Variants in RTTN observed in about 807,000 individuals in gnomAD.
RTTN encodes the protein rotatin.
In RTTN, 182 loss-of-function variants were observed where a neutral mutation model predicts 269.2. The ratio of observed to expected loss-of-function variants is 0.68; its 90% confidence interval spans 0.60 to 0.76. RTTN has a LOEUF of 0.76. RTTN is among the 30% of genes least tolerant of loss of function. The pLI is 0.00. For missense variants in RTTN, 2,545 were observed against 2,608.6 expected (o/e 0.98, Z 0.53); for synonymous variants, 1,006 against 963.5 (o/e 1.04, Z -0.82).
Position 70,092,705 on chromosome 18 carries a change from G to A in RTTN, c.4003C>T (p.His1335Tyr). ...STILCLLHLS[H>Y]EMMAQAGSLE... is the part of the protein sequence containing the mutation. ...CTCCCAGCCTGGGCCATCATCTCAT[G>A]GGATAAGTGAAGCAAGCAAAGAATT... Residue 1335 changes from histidine (H) to tyrosine (Y), a missense_variant, in exon 29 of 49, where the codon CAT (histidine) becomes TAT (tyrosine). By Grantham distance (83) the His-to-Tyr change is moderately conservative. Transcript: ENST00000640769. The A allele has an allele frequency of 3.1e-6, 5 of 1,613,244 alleles. No homozygotes were observed. Among genetic ancestry groups the A allele is most frequent in the Non-Finnish European group, 1.7e-6 (2 of 1,179,400 alleles).
At chr18:70,057,717 C>G (rs745525761) in intron 37 of RTTN, 25 bp downstream of exon 37, 1 of 1,594,836 alleles carries the variant, frequency 6.3e-7, no homozygotes, top group Non-Finnish European at 8.6e-7. Context: ...GTAAACAAAC[C>G]CACAAACAGA....
At chr18:70,132,302 T>C (rs2060018148) in intron 23 of RTTN, among the ~76,000 whole-genome samples, 1 of 152,050 alleles carries the variant, frequency 6.6e-6, no homozygotes, top group Non-Finnish European at 1.5e-5. Flanking sequence ...CTGATATATT[T>C]TGAGACTTAT....
chr18:70,036,962 A>C (rs2057192797), intron 40 of RTTN, among the ~76,000 whole-genome samples: 1 of 152,200 alleles, frequency 6.6e-6, no homozygotes, highest in Non-Finnish European at 1.5e-5. Flanking sequence ...TGGCGAGCTA[A>C]CTTGCACACT....
chr18:70,050,733 T>C (rs1427952228), intron 39 of RTTN, among the ~76,000 whole-genome samples: 1 of 152,172 alleles, frequency 6.6e-6, no homozygotes, highest in Non-Finnish European at 1.5e-5. Flanking sequence ...CATGGAACAT[T>C]ATGCAGCCAT....
chr18:70,150,519 C>T, intron 15 of RTTN, 89 bp downstream of exon 15: 2 of 1,210,860 alleles, frequency 1.7e-6, no homozygotes, highest in South Asian at 1.4e-5. Flanking sequence ...AGTTTCTCAC[C>T]ATGCTATCTA....
chr18:70,070,689 C>T (rs377269440), intron 34 of RTTN, among the ~76,000 whole-genome samples: 2 of 152,280 alleles, frequency 1.3e-5, no homozygotes, highest in East Asian at 3.9e-4. Context: ...TAACTAACTC[C>T]TATCTGATTA....
intron 9 of RTTN, among the ~76,000 whole-genome samples, chr18:70,189,606 G>T (rs1050689739): frequency 6.6e-6 from 1 of 152,162 alleles, no homozygotes; most frequent in Non-Finnish European, 1.5e-5. Flanking sequence ...AGATTCAAAA[G>T]AATCGTGGTT....
At chr18:70,199,977 T>C (rs928527713) in intron 4 of RTTN, among the ~76,000 whole-genome samples, 2 of 152,236 alleles carry the variant, frequency 1.3e-5, no homozygotes, top group African/African-American at 4.8e-5. Context: ...CGAAGATGAC[T>C]TGAAGACCGT....
intron 35 of RTTN, among the ~76,000 whole-genome samples, chr18:70,060,299 G>A (rs906105854): frequency 3.5e-4 from 53 of 152,198 alleles, no homozygotes; most frequent in African/African-American, 1.2e-3. Flanking sequence ...GAAGAGACAG[G>A]TCAGAAAGGG....
Position 70,003,106 on chromosome 18 carries a change from A to G in RTTN, c.*1045T>C, listed in dbSNP as rs1393516863. The G allele has an allele frequency of 2.2e-5, 3 of 134,448 alleles. No homozygotes were observed. The highest frequency in any genetic ancestry group is 8.4e-5 in the African/African-American group (3 of 35,784). 8.3% of individuals were successfully genotyped at this position (134,448 alleles called of 1,614,324 possible). A position where few individuals can be genotyped will look rare whatever the true frequency, so the allele number is the denominator to read the frequency against. On this transcript the variant is annotated 3_prime_UTR_variant, in exon 49 of 49. Coordinates refer to ENST00000640769, the MANE Select transcript of RTTN (RefSeq NM_173630.4). ...CGCTGGAATGCAGTGGCATGATCTC[A>G]GCTCACTGCAACCTCCCTGCCTCCC...
intron 28 of RTTN, among the ~76,000 whole-genome samples, chr18:70,109,196 T>C (rs1038128810): frequency 2.0e-5 from 3 of 152,186 alleles, no homozygotes; most frequent in Non-Finnish European, 1.5e-5. Flanking sequence ...GAAATACCTG[T>C]ATCATATACT....
chr18:70,045,402 G>T (rs2057464726), intron 40 of RTTN, among the ~76,000 whole-genome samples: 1 of 152,162 alleles, frequency 6.6e-6, no homozygotes, highest in South Asian at 2.1e-4. Flanking sequence ...AGAAAACTTA[G>T]ACCTTTGAAA....
intron 11 of RTTN, among the ~76,000 whole-genome samples, chr18:70,172,203 A>G (rs992154299): frequency 6.6e-6 from 1 of 152,214 alleles, no homozygotes; most frequent in Non-Finnish European, 1.5e-5. Context: ...TAACCTATAC[A>G]TGAGTATTCT....
In RTTN at chr18:70,135,246, C is replaced by A; in HGVS notation, c.2823G>T (p.Val941=). 1.3e-6 allele frequency: 2 copies of A among 1,544,718 alleles called. No individual in the cohort carries two copies. Among genetic ancestry groups the A allele is most frequent in the South Asian group, 2.4e-5 (2 of 82,024 alleles). ...SLIFHEDCSV[V]TEVGALFCLL... ...GACAAAATAGTGCTCCAACTTCAGT[C>A]ACGACACTACAATCTTCATGAAATA... Residue 941 remains valine (V), a synonymous_variant, in exon 22 of 49, where the codon GTG becomes GTT. Coordinates refer to ENST00000640769, the MANE Select transcript of RTTN (RefSeq NM_173630.4).
At chr18:70,062,234 A>G (rs2058008800) in intron 35 of RTTN, among the ~76,000 whole-genome samples, 1 of 152,110 alleles carries the variant, frequency 6.6e-6, no homozygotes, top group African/African-American at 2.4e-5. Context: ...ATTGTTTCCC[A>G]TTTTTGTTGA....
At chr18:70,143,527 T>C (rs1272436993) in intron 18 of RTTN, among the ~76,000 whole-genome samples, 1 of 152,006 alleles carries the variant, frequency 6.6e-6, no homozygotes, top group Admixed American at 6.6e-5. Context: ...TTCTCACTTA[T>C]AAGCAGGAGC....
chr18:70,204,232 A>G lies in RTTN; in HGVS notation c.251T>C (p.Val84Ala), dbSNP rs1462139252. 1.9e-6 allele frequency: 3 copies of G among 1,612,370 alleles called. No individual in the cohort carries two copies. The highest frequency in any genetic ancestry group is 1.3e-5 in the African/African-American group (1 of 74,854). The stretch of plus-strand genomic sequence containing the variant: ...CTTAGATAAGAACTCTACTGCACCA[A>G]CGTCAACCAAATGTTGGACTGCTGG... Reference protein sequence around the residue: ...YPPAVQHLVDVGAVEFLSKLR... With the variant: ...YPPAVQHLVDAGAVEFLSKLR... The change falls in exon 3 of 49, where the codon GTT (valine) becomes GCT (alanine). Residue 84 changes from valine to alanine, a missense_variant. Physicochemically the swap from Val to Ala is moderately conservative, Grantham distance 64. Coordinates refer to ENST00000640769, the MANE Select transcript of RTTN (RefSeq NM_173630.4).
intron 27 of RTTN, among the ~76,000 whole-genome samples, chr18:70,111,697 C>G (rs1024458827): frequency 1.3e-5 from 2 of 152,166 alleles, no homozygotes; most frequent in African/African-American, 4.8e-5. Flanking sequence ...CTGAAAGTGA[C>G]AGAGAGAATG....
At chr18:70,144,128 A>G (rs1599756314) in intron 18 of RTTN, among the ~76,000 whole-genome samples, 1 of 152,144 alleles carries the variant, frequency 6.6e-6, no homozygotes, top group Non-Finnish European at 1.5e-5. Context: ...ATTACAGGCA[A>G]GAGCCACTGT....
Sources: gnomAD v4.1 joint callset for allele counts (sites outside exome capture counted in the v4.1 genomes callset) on GRCh38, gnomAD v4.1.1 for gene constraint, MANE v1.5 for transcripts, NCBI Gene and HGNC (gene_info 2026-07-23, HGNC 2026-07-21) for gene names.